LONRF3: variants seen among roughly 807,000 people sequenced by gnomAD.
LONRF3 encodes the protein LON peptidase N-terminal domain and RING finger protein 3.
A neutral mutation model predicts 51.7 loss-of-function variants in LONRF3; 19 were observed. The observed-to-expected ratio is 0.37, with a 90% CI of 0.26 to 0.54. The LOEUF (loss-of-function observed/expected upper bound fraction) is 0.54, where lower values mean the gene tolerates loss of function less well. LONRF3 is among the 20% of genes least tolerant of loss of function. LONRF3 has a pLI of 0.86. For synonymous variants in LONRF3, 265 were observed against 257.8 expected (o/e 1.03, Z -0.27); for missense variants, 521 against 623.9 (o/e 0.84, Z 1.76).
chrX:118,975,344 C>T lies in LONRF3; in HGVS notation c.564C>T (p.Ala188=), dbSNP rs1012828714. The T allele has an allele frequency of 1.7e-5, 21 of 1,208,832 alleles. No homozygotes were observed. The African/African-American group carries it at 3.7e-4, about 21-fold the overall frequency. ...CKLCLERGRA[A]DRRCALCGVK... is the part of the protein sequence containing the mutation. ...TGTGCCTGGAACGTGGGCGGGCCGC[C>T]GACCGGCGCTGTGCGCTGTGCGGGG... Residue 188 remains alanine, a synonymous_variant, in exon 1 of 11, where the codon GCC becomes GCT. Transcript: ENST00000371628.
chrX:119,005,984 A>G, intron 5 of LONRF3, 137 bp from the exon 6 acceptor site: 1 of 396,757 alleles, frequency 2.5e-6, no homozygotes, highest in South Asian at 5.7e-5. Context: ...CTGAAGTATA[A>G]CAATAGCGAC....
At chrX:118,984,472 A>G (rs938551789) in intron 3 of LONRF3, among the ~76,000 whole-genome samples, 6 of 111,420 alleles carry the variant, frequency 5.4e-5, no homozygotes, top group African/African-American at 2.0e-4. Flanking sequence ...TGGTTTCTTG[A>G]CTCTTGTTTG....
intron 2 of LONRF3, among the ~76,000 whole-genome samples, chrX:118,981,114 CAG>C (rs1922515186): frequency 9.0e-6 from 1 of 111,277 alleles, no homozygotes; most frequent in Non-Finnish European, 1.9e-5. Flanking sequence ...GCCATCCAAC[CAG>C]AGTGTGTGGT....
intron 6 of LONRF3, among the ~76,000 whole-genome samples, chrX:119,007,436 A>G (rs1277810770): frequency 8.9e-6 from 1 of 112,039 alleles, no homozygotes; most frequent in East Asian, 2.8e-4. Flanking sequence ...TCTAAAACTA[A>G]TCACACAAAC....
chrX:118,977,763 C>T (rs1403476513), intron 1 of LONRF3, among the ~76,000 whole-genome samples: 2 of 112,302 alleles, frequency 1.8e-5, no homozygotes, highest in East Asian at 5.6e-4. Context: ...TCCCAGAAAC[C>T]TTGTCCAAGT....
At chrX:118,999,446 C>T (rs1924114744) in intron 5 of LONRF3, among the ~76,000 whole-genome samples, 1 of 111,179 alleles carries the variant, frequency 9.0e-6, no homozygotes, top group African/African-American at 3.3e-5. Flanking sequence ...TGGCTCTAAG[C>T]CCATGATGTG....
intron 6 of LONRF3, 22 bp downstream of exon 6, chrX:119,006,257 G>A: frequency 9.4e-7 from 1 of 1,059,066 alleles, no homozygotes; most frequent in Admixed American, 2.3e-5. Context: ...TTTCTTTCTT[G>A]TTTGGTTTAA....
chrX:118,998,083 G>T (rs765512220), intron 5 of LONRF3, among the ~76,000 whole-genome samples: 2 of 112,310 alleles, frequency 1.8e-5, no homozygotes, highest in South Asian at 7.4e-4. Flanking sequence ...AGAACTAAAA[G>T]TAGAACTGCC....
intron 5 of LONRF3, among the ~76,000 whole-genome samples, chrX:119,004,577 T>C: frequency 8.9e-6 from 1 of 112,486 alleles, no homozygotes; most frequent in East Asian, 2.8e-4. Flanking sequence ...GCCTGTCCTG[T>C]ACACTGGGCC....
intron 5 of LONRF3, among the ~76,000 whole-genome samples, chrX:118,995,735 C>T (rs1247258970): frequency 8.9e-6 from 1 of 111,774 alleles, no homozygotes; most frequent in Admixed American, 9.5e-5. Flanking sequence ...AACTAGAAAA[C>T]CTAGAAGAGA....
chrX:118,987,944 A>G (rs1468467658), intron 3 of LONRF3, among the ~76,000 whole-genome samples: 1 of 111,866 alleles, frequency 8.9e-6, no homozygotes, highest in Non-Finnish European at 1.9e-5. Flanking sequence ...TTCTTTGAAA[A>G]CCAGGAAACA....
chrX:119,012,780 G>A, intron 8 of LONRF3: 1 of 645,483 alleles, frequency 1.5e-6, no homozygotes, highest in Non-Finnish European at 2.2e-6. Flanking sequence ...TTGTAGAGGA[G>A]GCAAACATTC....
chrX:118,998,336 A>G (rs780861365), intron 5 of LONRF3, among the ~76,000 whole-genome samples: 20 of 112,297 alleles, frequency 1.8e-4, no homozygotes, highest in Non-Finnish European at 3.6e-4. Flanking sequence ...ATTGGAGACT[A>G]TTTTAAGTGA....
intron 1 of LONRF3, 140 bp downstream of exon 1, chrX:118,975,737 GGA>G: frequency 2.4e-6 from 1 of 416,819 alleles, no homozygotes; most frequent in Non-Finnish European, 3.9e-6. Context: ...GCGGGGTGGG[GGA>G]GGGGTGATTC....
chrX:118,998,885 C>T (rs1448275504), intron 5 of LONRF3, among the ~76,000 whole-genome samples: 1 of 111,341 alleles, frequency 9.0e-6, no homozygotes, highest in Admixed American at 9.5e-5. Flanking sequence ...GTCTTGAACT[C>T]CTAACCTCAG....
intron 5 of LONRF3, among the ~76,000 whole-genome samples, chrX:119,005,478 ATGCATCAATATAGAT>A (rs1924645093): frequency 8.9e-6 from 1 of 112,021 alleles, no homozygotes; most frequent in Admixed American, 9.5e-5. Context: ...ATGTGTGTAT[ATGCATCAATATAGAT>A]CCATATCTAG....
chrX:118,981,353 C>T (rs765409110), intron 2 of LONRF3, among the ~76,000 whole-genome samples: 5 of 109,616 alleles, frequency 4.6e-5, no homozygotes, highest in Non-Finnish European at 9.5e-5. Context: ...GGCATGGTGA[C>T]GCATGCCTGT....
chrX:119,006,091 T>C, intron 5 of LONRF3, 30 bp from the exon 6 acceptor site: 1 of 954,435 alleles, frequency 1.0e-6, no homozygotes, highest in East Asian at 3.1e-5. Context: ...CTTATTGCAG[T>C]TTTCTTCCAT....
chrX:118,985,118 G>A (rs1366663344), intron 3 of LONRF3, among the ~76,000 whole-genome samples: 1 of 112,264 alleles, frequency 8.9e-6, no homozygotes, highest in Non-Finnish European at 1.9e-5. Context: ...GAGATCTCAA[G>A]TAGTAAAATG....
Sources: allele counts gnomAD v4.1 joint callset (sites outside exome capture counted in the v4.1 genomes callset), GRCh38; gene constraint gnomAD v4.1.1; transcripts MANE v1.5; gene names NCBI Gene and HGNC (gene_info 2026-07-23, HGNC 2026-07-21).